The following GAREM1 variants were observed in gnomAD, a reference collection of about 807,000 sequenced individuals.
The protein encoded by GAREM1 is GRB2-associated and regulator of MAPK protein 1.
In GAREM1, 26 loss-of-function variants were observed where a neutral mutation model predicts 71.3. The ratio of observed to expected loss-of-function variants is 0.36; its 90% CI spans 0.27 to 0.51. The LOEUF (loss-of-function observed/expected upper bound fraction) is 0.51. Ranked by LOEUF, GAREM1 falls within the 20% of genes least tolerant of loss-of-function variation. The pLI is 0.95. For synonymous variants in GAREM1, 440 were observed against 433.2 expected, an observed-to-expected ratio of 1.02 and a Z score of -0.20; for missense variants, 1,026 against 1,103.1, an observed-to-expected ratio of 0.93 and a Z score of 0.99.
At chr18:32,332,570 G>C (rs1389546764) in intron 2 of GAREM1, among the ~76,000 whole-genome samples, 1 of 151,988 alleles carries the variant, frequency 6.6e-6, no homozygotes, top group Non-Finnish European at 1.5e-5. Context: ...GCTGGACAAG[G>C]AGGGCTGTGG....
In GAREM1 at chr18:32,268,159, G is replaced by A. The variant is rs1250299235; in HGVS notation, c.2343C>T (p.Tyr781=). ...KGMQDIFSAS[Y]PFSSPLHLQL... ...GGAGATGGAGCGGAGATGAGAAAGG[G>A]TAGGAGGCAGAGAAGATGTCCTGCA... is the stretch of plus-strand genomic sequence containing the variant. Residue 781 remains tyrosine (Y), a synonymous_variant, in exon 6 of 6, where the codon TAC becomes TAT. Transcript: ENST00000269209. The A allele has an allele frequency of 6.2e-7, 1 of 1,614,048 alleles. No individual in the cohort carries two copies. Among genetic ancestry groups the A allele is most frequent in the Non-Finnish European group, 8.5e-7 (1 of 1,180,050 alleles).
chr18:32,297,898 T>G (rs1053401246), intron 3 of GAREM1, among the ~76,000 whole-genome samples: 1 of 152,190 alleles, frequency 6.6e-6, no homozygotes. Flanking sequence ...TCCCTTTAAA[T>G]CAATATTTAC....
chr18:32,462,698 A>C (rs1599066309), intron 1 of GAREM1, among the ~76,000 whole-genome samples: 1 of 152,316 alleles, frequency 6.6e-6, no homozygotes, highest in East Asian at 1.9e-4. Flanking sequence ...CTAATGTCAT[A>C]AAGTGTTTCT....
chr18:32,447,713 C>A (rs1219975303), intron 1 of GAREM1, among the ~76,000 whole-genome samples: 1 of 151,944 alleles, frequency 6.6e-6, no homozygotes, highest in African/African-American at 2.4e-5. Context: ...CTAAAAGTAC[C>A]AAATTTTAAA....
chr18:32,457,993 CAT>C (rs569756155), intron 1 of GAREM1, among the ~76,000 whole-genome samples: 233 of 152,184 alleles, frequency 1.5e-3, no homozygotes, highest in Non-Finnish European at 2.0e-3. Context: ...CAAACTATCA[CAT>C]GTGCTTCTCC....
chr18:32,324,392 C>A (rs1274607712), intron 2 of GAREM1, among the ~76,000 whole-genome samples: 1 of 152,132 alleles, frequency 6.6e-6, no homozygotes, highest in Non-Finnish European at 1.5e-5. Flanking sequence ...CAGTAAACTC[C>A]CACACACCAG....
At chr18:32,303,505 A>G (rs1324012621) in intron 3 of GAREM1, among the ~76,000 whole-genome samples, 1 of 152,200 alleles carries the variant, frequency 6.6e-6, no homozygotes, top group African/African-American at 2.4e-5. Context: ...CGTAGTTATT[A>G]GTGTAGTAAG....
chr18:32,381,156 C>A (rs2048093815), intron 2 of GAREM1, among the ~76,000 whole-genome samples: 1 of 152,146 alleles, frequency 6.6e-6, no homozygotes. Flanking sequence ...TCCAAATACA[C>A]TTCTCTGTGG....
At position 32,288,049 on chromosome 18, in the gene GAREM1, T is replaced by G; in HGVS notation, c.548A>C (p.Lys183Thr). ...TCCCAGCTTGCTGATGGAATTGAGC[T>G]TCCCAATCTTTTTGAAGATTGTGTT... ...RLNTIFKKIG[K>T]LNSISKLGKG... is the part of the protein sequence containing the mutation. Residue 183 changes from lysine to threonine, a missense_variant, in exon 4 of 6, where the codon AAG becomes ACG. By Grantham distance (78) the Lys-to-Thr change is moderately conservative. This residue lies in a region of GAREM1 where 218 missense variants were observed against 296.8 expected (regional missense o/e 0.73). Coordinates refer to ENST00000269209, the MANE Select transcript of GAREM1 (RefSeq NM_001242409.2). The G allele has an allele frequency of 1.2e-6, 2 of 1,614,194 alleles. No homozygotes were observed. The highest frequency in any genetic ancestry group is 1.1e-5 in the South Asian group (1 of 91,072).
intron 3 of GAREM1, among the ~76,000 whole-genome samples, chr18:32,305,051 T>A (rs1156866000): frequency 4.7e-5 from 7 of 149,420 alleles, no homozygotes; most frequent in African/African-American, 1.7e-4. Context: ...CTATTACAGT[T>A]AAAAAAAAAC....
At chr18:32,409,907 G>C (rs761437362) in intron 1 of GAREM1, among the ~76,000 whole-genome samples, 2 of 152,178 alleles carry the variant, frequency 1.3e-5, no homozygotes, top group Non-Finnish European at 2.9e-5. Flanking sequence ...GCAGGTGAGA[G>C]AGGGGACTCA....
At chr18:32,289,068 ATTTG>A (rs1345604220) in intron 3 of GAREM1, among the ~76,000 whole-genome samples, 1 of 152,082 alleles carries the variant, frequency 6.6e-6, no homozygotes, top group Non-Finnish European at 1.5e-5. Context: ...CTACGCATAT[ATTTG>A]TTTTTTTGTT....
chr18:32,342,244 C>G (rs532769000), intron 2 of GAREM1, among the ~76,000 whole-genome samples: 1 of 152,092 alleles, frequency 6.6e-6, no homozygotes, highest in Non-Finnish European at 1.5e-5. Context: ...GGTCTCGAAG[C>G]TAAAGAGAGT....
chr18:32,392,877 CCCTTGG>C lies in GAREM1; in HGVS notation c.262+12_262+17del, dbSNP rs1393395252. 1 of 1,608,478 alleles carries C rather than the reference CCCTTGG, an allele frequency of 6.2e-7. No homozygotes were observed. Among genetic ancestry groups the C allele is most frequent in the Non-Finnish European group, 8.5e-7 (1 of 1,176,340 alleles). ...CCTTTCTCTCGCTGCCTCATCTTGG[CCCTTGG>C]AGGAGTCTTACCTGCATAATGTACC... On this transcript the variant is annotated intron_variant, in intron 2 of 5. Transcript: ENST00000269209.
intron 3 of GAREM1, among the ~76,000 whole-genome samples, chr18:32,303,922 AAAAG>A (rs1010509087): frequency 6.6e-6 from 1 of 151,320 alleles, no homozygotes; most frequent in African/African-American, 2.4e-5. Context: ...TTCTTAAAAA[AAAAG>A]AAAGAGGGAG....
chr18:32,276,966 C>A lies in GAREM1; in HGVS notation c.1567-6583G>T, dbSNP rs113632859. On this transcript the variant is annotated intron_variant, in intron 4 of 5. Transcript: ENST00000269209. The stretch of plus-strand genomic sequence containing the variant: ...TCATGCCTGAATGGCGTCAAGGAAG[C>A]CAAGGGAGGGAGAGCTGCAGGGGAA... Among the ~76,000 whole-genome samples the A allele has an allele frequency of 5.2e-3, 784 of 152,176 alleles. 8 individuals are homozygous for A. Among genetic ancestry groups the A allele is most frequent in the African/African-American group, 0.018 (759 of 41,508 alleles).
chr18:32,276,552 T>C (rs2041545474), intron 4 of GAREM1, among the ~76,000 whole-genome samples: 1 of 152,094 alleles, frequency 6.6e-6, no homozygotes, highest in Non-Finnish European at 1.5e-5. Context: ...TTACTCAAGG[T>C]GGCAGGAGAA....
At chr18:32,378,237 C>T (rs189467576) in intron 2 of GAREM1, among the ~76,000 whole-genome samples, 7 of 152,146 alleles carry the variant, frequency 4.6e-5, no homozygotes, top group African/African-American at 1.2e-4. Context: ...TGGTGGCTCA[C>T]GCCTATAATC....
intron 2 of GAREM1, among the ~76,000 whole-genome samples, chr18:32,325,382 T>C (rs1332426879): frequency 6.6e-6 from 1 of 152,214 alleles, no homozygotes; most frequent in East Asian, 1.9e-4. Flanking sequence ...TGGGTTATTA[T>C]GACATGTCAG....
Sources: allele counts gnomAD v4.1 joint callset (sites outside exome capture counted in the v4.1 genomes callset), GRCh38; gene constraint gnomAD v4.1.1; regional missense constraint gnomAD v4.1.1; transcripts MANE v1.5; gene names NCBI Gene and HGNC (gene_info 2026-07-23, HGNC 2026-07-21).